Variants in NCAM1 observed in about 807,000 individuals in gnomAD.
The protein encoded by NCAM1 is neural cell adhesion molecule 1.
NCAM1 carries 14 observed loss-of-function variants against 109.8 expected under a neutral mutation model. The ratio of observed to expected loss-of-function variants is 0.13; its 90% CI spans 0.08 to 0.20. The LOEUF is 0.20. NCAM1 is among the 10% of genes least tolerant of loss of function. NCAM1 has a pLI of 1.00. For synonymous variants in NCAM1, 418 were observed against 442.9 expected, an observed-to-expected ratio of 0.94 and a Z score of 0.70; for missense variants, 774 against 1,109.9, an observed-to-expected ratio of 0.70 and a Z score of 4.30.
intron 1 of NCAM1, among the ~76,000 whole-genome samples, chr11:113,022,422 T>C (rs563027395): frequency 1.3e-5 from 2 of 152,342 alleles, no homozygotes; most frequent in South Asian, 4.1e-4. Flanking sequence ...TCCTAAGATA[T>C]CATCCTAAGA....
chr11:113,231,417 C>T (rs1196018880), intron 9 of NCAM1: 3 of 1,037,664 alleles, frequency 2.9e-6, no homozygotes, highest in Non-Finnish European at 4.2e-6. Context: ...ATAACTGAGT[C>T]TCATTTTCTG....
At chr11:113,009,466 A>C (rs1951987342) in intron 1 of NCAM1, among the ~76,000 whole-genome samples, 1 of 151,674 alleles carries the variant, frequency 6.6e-6, no homozygotes, top group Admixed American at 6.6e-5. Context: ...CTGGGACTAC[A>C]GGTGCCCACC....
intron 1 of NCAM1, among the ~76,000 whole-genome samples, chr11:113,091,191 A>G (rs2135764188): frequency 6.6e-6 from 1 of 152,214 alleles, no homozygotes; most frequent in East Asian, 1.9e-4. Context: ...ACTGCTTCTC[A>G]AAAAGGTTAA....
chr11:113,274,748 C>T lies in NCAM1; in HGVS notation c.2457-519C>T, dbSNP rs1278068323. ...CCCAGGCAGGCCCTAGAGGCATCAT[C>T]CTGCAACAGCACAGGGTGGGGTGGG... On this transcript the variant is annotated intron_variant, in intron 19 of 19. Coordinates refer to ENST00000316851, the MANE Select transcript of NCAM1 (RefSeq NM_181351.5). This position sits in a 1 kb window ranked among gnomAD's most constrained non-coding sequence, Gnocchi z 4.1. Among the ~76,000 whole-genome samples, 1 of 152,212 alleles carries T rather than the reference C, an allele frequency of 6.6e-6. No homozygotes were observed. The highest frequency in any genetic ancestry group is 2.4e-5 in the African/African-American group (1 of 41,468).
chr11:113,139,642 A>G (rs1332266372), intron 1 of NCAM1, among the ~76,000 whole-genome samples: 6 of 152,080 alleles, frequency 3.9e-5, no homozygotes, highest in Admixed American at 3.3e-4. Flanking sequence ...GGTATACTAC[A>G]TTTGTTTTTA....
intron 1 of NCAM1, among the ~76,000 whole-genome samples, chr11:113,118,574 A>G (rs1173449676): frequency 6.6e-6 from 1 of 151,858 alleles, no homozygotes; most frequent in Non-Finnish European, 1.5e-5. Context: ...TCACTTATTT[A>G]TTGTCTGTCT....
At position 113,228,159 on chromosome 11, in the gene NCAM1, G is replaced by A. The variant is rs1042041137; in HGVS notation, c.1090-3486G>A. 2.6e-5 allele frequency among the ~76,000 whole-genome samples: 4 copies of A among 152,196 alleles called. No individual in the cohort carries two copies. In the East Asian group the frequency reaches 7.7e-4, roughly 29 times the overall value. The stretch of plus-strand genomic sequence containing the variant: ...AGTCAAATTGTCCCTGTTTGCAGAT[G>A]ACATGATTGTGTATCTAGAAGACCC... On this transcript the variant is annotated intron_variant, in intron 9 of 19. Coordinates refer to ENST00000316851, the MANE Select transcript of NCAM1 (RefSeq NM_181351.5).
At chr11:113,191,771 GTGTATA>G (rs782028193) in intron 1 of NCAM1, among the ~76,000 whole-genome samples, 51 of 117,804 alleles carry the variant, frequency 4.3e-4, no homozygotes, top group African/African-American at 1.2e-3. Flanking sequence ...GTGTGTGTGT[GTGTATA>G]TATATATATA....
At chr11:113,171,305 T>C (rs1263644205) in intron 1 of NCAM1, among the ~76,000 whole-genome samples, 5 of 152,272 alleles carry the variant, frequency 3.3e-5, no homozygotes, top group Admixed American at 6.5e-5. Flanking sequence ...AAAGGATAGT[T>C]TGGGGAGGCA....
chr11:113,019,917 A>G (rs782567412), intron 1 of NCAM1, among the ~76,000 whole-genome samples: 1 of 152,192 alleles, frequency 6.6e-6, no homozygotes, highest in Non-Finnish European at 1.5e-5. Flanking sequence ...TCTGTGTGGT[A>G]GTCTTTGTTA....
At chr11:113,218,905 A>G (rs1944606521) in intron 8 of NCAM1, among the ~76,000 whole-genome samples, 1 of 152,208 alleles carries the variant, frequency 6.6e-6, no homozygotes. Flanking sequence ...TTCTGCTTCC[A>G]TGTTATTTCA....
intron 1 of NCAM1, among the ~76,000 whole-genome samples, chr11:113,092,679 G>T (rs1555089577): frequency 6.6e-6 from 1 of 152,088 alleles, no homozygotes; most frequent in East Asian, 1.9e-4. Context: ...TTTCCATCCT[G>T]CTTGCTTATT....
At chr11:113,064,580 A>G (rs1395857685) in intron 1 of NCAM1, among the ~76,000 whole-genome samples, 3 of 152,096 alleles carry the variant, frequency 2.0e-5, no homozygotes, top group African/African-American at 7.2e-5. Context: ...TAAATACATC[A>G]TCTCATTTAA....
At chr11:113,158,867 A>G (rs1455322577) in intron 1 of NCAM1, among the ~76,000 whole-genome samples, 1 of 152,190 alleles carries the variant, frequency 6.6e-6, no homozygotes, top group Non-Finnish European at 1.5e-5. Flanking sequence ...TATTAAGACA[A>G]ACAACATCAC....
At chr11:113,231,311 C>A in intron 9 of NCAM1, 1 of 1,534,368 alleles carries the variant, frequency 6.5e-7, no homozygotes, top group Admixed American at 2.0e-5. Context: ...TATCTGCTGG[C>A]CGGAGGCTTT....
chr11:113,267,877 T>C (rs1160765298), intron 17 of NCAM1, among the ~76,000 whole-genome samples: 5 of 152,220 alleles, frequency 3.3e-5, no homozygotes, highest in African/African-American at 1.2e-4. Context: ...TTATTTTTCC[T>C]CTTTAGAGAT....
rs782516906 is a variant in NCAM1, at chr11:113,204,511, GC to G, written c.346+9del. 6.2e-7 allele frequency: 1 copy of G among 1,613,360 alleles called. No individual in the cohort carries two copies. Among genetic ancestry groups the G allele is most frequent in the South Asian group, 1.1e-5 (1 of 91,016 alleles). Reference sequence around the variant, plus strand: ...GTCAACGTGAAGATCTTTCGTAAGAGCCTCCTTCTTCTTCTGCATTCTCTGG... The same window carrying G: ...GTCAACGTGAAGATCTTTCGTAAGAGCTCCTTCTTCTTCTGCATTCTCTGG... On this transcript the variant is annotated splice_region_variant and intron_variant, in intron 3 of 19. Coordinates refer to ENST00000316851, the MANE Select transcript of NCAM1 (RefSeq NM_181351.5).
chr11:113,110,135 C>T (rs80350670), intron 1 of NCAM1, among the ~76,000 whole-genome samples: 7,570 of 152,058 alleles, frequency 0.05, 603 homozygotes, highest in Admixed American at 0.16. Flanking sequence ...ATTCAGTTGC[C>T]ATTTATTATA....
At chr11:112,993,841 T>C (rs1380481326) in intron 1 of NCAM1, among the ~76,000 whole-genome samples, 2 of 152,238 alleles carry the variant, frequency 1.3e-5, no homozygotes, top group Admixed American at 1.3e-4. Context: ...TTTTTGCCCT[T>C]TCATTGTCTG....
Sources: gnomAD v4.1 joint callset for allele counts (sites outside exome capture counted in the v4.1 genomes callset) on GRCh38, gnomAD v4.1.1 for gene constraint, Gnocchi (gnomAD v3.1) non-coding constraint, MANE v1.5 for transcripts, NCBI Gene and HGNC (gene_info 2026-07-23, HGNC 2026-07-21) for gene names.